ANKS1A: variants seen among roughly 807,000 people sequenced by gnomAD.
ANKS1A encodes ankyrin repeat and SAM domain-containing protein 1A.
Under a neutral mutation model 120.3 loss-of-function variants are expected in ANKS1A, and 55 were observed. That is an observed-to-expected ratio of 0.46 (90% CI 0.37 to 0.57). ANKS1A has a LOEUF of 0.57. Ranked by LOEUF, ANKS1A falls within the 20% of genes least tolerant of loss-of-function variation. The pLI is 0.00. For missense variants in ANKS1A, 1,123 were observed against 1,480.3 expected (o/e 0.76, Z 3.96); for synonymous variants, 590 against 604.7 (o/e 0.98, Z 0.36).
chr6:35,089,361 C>A lies in ANKS1A; in HGVS notation c.*752C>A. The A allele has an allele frequency of 2.0e-6, 2 of 986,684 alleles. No individual in the cohort carries two copies. The highest frequency in any genetic ancestry group is 2.4e-6 in the Non-Finnish European group (2 of 830,572). The allele number at this position is 986,684 out of a possible 1,614,324, so 61.1% of individuals were successfully genotyped here. A position where few individuals can be genotyped will look rare whatever the true frequency, so the allele number is the denominator to read the frequency against. The stretch of plus-strand genomic sequence containing the variant: ...TGGGAAGTCTTAGCCAGCACCAGAG[C>A]GCCAGGCCTCTCCCTGGCCTCTTAC... On this transcript the variant is annotated 3_prime_UTR_variant, in exon 24 of 24. Transcript: ENST00000360359.
At position 35,086,308 on chromosome 6, in the gene ANKS1A, C is replaced by A; in HGVS notation, c.3303+372C>A. The A allele has an allele frequency of 1.5e-6, 2 of 1,308,144 alleles. No homozygotes were observed. Among genetic ancestry groups the A allele is most frequent in the Non-Finnish European group, 2.0e-6 (2 of 1,001,634 alleles). The allele number at this position is 1,308,144 out of a possible 1,614,324, so 81.0% of individuals were successfully genotyped here. The stretch of plus-strand genomic sequence containing the variant: ...CCGATAGTCGCTGTTGTTACTGTCA[C>A]ACCTGCACCACCCACCGTCCTTCCT... On this transcript the variant is annotated intron_variant, in intron 22 of 23. Transcript: ENST00000360359. The surrounding 1 kb of genome is among the most constrained non-coding windows in gnomAD (Gnocchi z 5.1).
chr6:35,049,337 C>T (rs950139804), intron 11 of ANKS1A, among the ~76,000 whole-genome samples: 1 of 152,194 alleles, frequency 6.6e-6, no homozygotes, highest in Non-Finnish European at 1.5e-5. Context: ...TGTCATCGAA[C>T]ACCACCAGTG....
chr6:35,088,545 C>T (rs1482822971), intron 23 of ANKS1A, 61 bp from the exon 24 acceptor site: 24 of 1,601,550 alleles, frequency 1.5e-5, no homozygotes, highest in Non-Finnish European at 1.9e-5. Context: ...TCCATTTCCT[C>T]CACCGTCCGC....
intron 1 of ANKS1A, among the ~76,000 whole-genome samples, chr6:34,898,474 A>G (rs763972617): frequency 1.3e-5 from 2 of 152,202 alleles, no homozygotes; most frequent in African/African-American, 2.4e-5. Flanking sequence ...TGGGATAAAT[A>G]TGAAGCCGCT....
chr6:35,000,422 C>G (rs1773102403), intron 10 of ANKS1A, among the ~76,000 whole-genome samples: 2 of 151,170 alleles, frequency 1.3e-5, no homozygotes, highest in South Asian at 4.2e-4. Context: ...ATCTTGTGGC[C>G]TTAGACAGTC....
intron 3 of ANKS1A, among the ~76,000 whole-genome samples, chr6:34,980,481 C>T (rs530117799): frequency 2.8e-4 from 42 of 152,324 alleles, no homozygotes; most frequent in African/African-American, 9.9e-4. Context: ...GATGGAATTG[C>T]ATATGCATGT....
chr6:35,070,975 C>A, intron 13 of ANKS1A: 1 of 582,034 alleles, frequency 1.7e-6, no homozygotes. Flanking sequence ...AGGGTTTCCC[C>A]TCTCTGTCTA....
chr6:34,986,706 A>G (rs1321952261), intron 8 of ANKS1A, among the ~76,000 whole-genome samples: 1 of 152,150 alleles, frequency 6.6e-6, no homozygotes, highest in African/African-American at 2.4e-5. Context: ...TTTAGTATGG[A>G]TCTTGGAAAG....
At chr6:35,005,445 G>C (rs901045191) in intron 10 of ANKS1A, among the ~76,000 whole-genome samples, 1 of 152,080 alleles carries the variant, frequency 6.6e-6, no homozygotes, top group Non-Finnish European at 1.5e-5. Context: ...ATAATACTTG[G>C]CCAAAGTAGT....
At chr6:34,989,370 T>G in intron 9 of ANKS1A, 54 bp downstream of exon 9, 2 of 1,497,978 alleles carry the variant, frequency 1.3e-6, no homozygotes, top group East Asian at 2.3e-5. Flanking sequence ...TGTTGAAAAG[T>G]GCATCGATGT....
chr6:34,968,320 G>T (rs1198158265), intron 2 of ANKS1A, among the ~76,000 whole-genome samples: 1 of 152,218 alleles, frequency 6.6e-6, no homozygotes, highest in Non-Finnish European at 1.5e-5. Flanking sequence ...TTGTCGGGGA[G>T]CACAGTGAGT....
rs1229097679 is a variant in ANKS1A at position 35,082,897 on chromosome 6, G to A, written c.2835+81G>A. 1.3e-6 allele frequency: 2 copies of A among 1,555,080 alleles called. No individual in the cohort carries two copies. The highest frequency in any genetic ancestry group is 4.5e-5 in the East Asian group (2 of 44,402). The stretch of plus-strand genomic sequence containing the variant: ...GCACCTGCGGCCAAGTCCCAGCAGG[G>A]ACTCCACAAAGCCAGGCCCAGGGCT... On this transcript the variant is annotated intron_variant, in intron 18 of 23. Coordinates refer to ENST00000360359, the MANE Select transcript of ANKS1A (RefSeq NM_015245.3). The surrounding 1 kb of genome is among the most constrained non-coding windows in gnomAD (Gnocchi z 4.1).
At chr6:34,890,374 G>C (rs1356827687) in intron 1 of ANKS1A, among the ~76,000 whole-genome samples, 1 of 152,200 alleles carries the variant, frequency 6.6e-6, no homozygotes, top group Non-Finnish European at 1.5e-5. Flanking sequence ...ACAGGCGTGA[G>C]CCACCGCGCC....
At chr6:34,936,748 G>A (rs1044312013) in intron 1 of ANKS1A, among the ~76,000 whole-genome samples, 3 of 152,130 alleles carry the variant, frequency 2.0e-5, no homozygotes, top group Non-Finnish European at 4.4e-5. Context: ...AACATGTACA[G>A]GATGAATGGC....
In ANKS1A at chr6:34,982,192, G is replaced by T. The variant is rs1435547088; in HGVS notation, c.732+206G>T. ...CTATTATTTTTTTGTTTCTTTTCAG[G>T]GGGTAATCCGTAGTCATTAAACCCT... On this transcript the variant is annotated intron_variant, in intron 4 of 23. Transcript: ENST00000360359. This position sits in a 1 kb window ranked among gnomAD's most constrained non-coding sequence, Gnocchi z 4.9. Among the ~76,000 whole-genome samples the T allele has an allele frequency of 1.3e-5, 2 of 152,118 alleles. No individual in the cohort carries two copies. The highest frequency in any genetic ancestry group is 4.8e-5 in the African/African-American group (2 of 41,402).
At chr6:34,974,199 C>T (rs1581577822) in intron 3 of ANKS1A, among the ~76,000 whole-genome samples, 1 of 5,956 alleles carries the variant, frequency 1.7e-4, no homozygotes, top group African/African-American at 8.7e-4. Context: ...CCCTTCCCTT[C>T]CCCTTCCCCT....
At chr6:34,928,598 ATC>A (rs1768828446) in intron 1 of ANKS1A, among the ~76,000 whole-genome samples, 1 of 151,258 alleles carries the variant, frequency 6.6e-6, no homozygotes, top group African/African-American at 2.4e-5. Flanking sequence ...TTTCCATTTA[ATC>A]TCTGATTTTC....
At chr6:34,901,253 A>G in intron 1 of ANKS1A, among the ~76,000 whole-genome samples, 1 of 151,324 alleles carries the variant, frequency 6.6e-6, no homozygotes, top group East Asian at 1.9e-4. Context: ...CTCCCTCATT[A>G]GTGATTAACA....
At chr6:35,072,820 G>T (rs967621403) in intron 13 of ANKS1A, among the ~76,000 whole-genome samples, 12 of 152,216 alleles carry the variant, frequency 7.9e-5, no homozygotes, top group African/African-American at 2.9e-4. Context: ...CTCAGCAGGG[G>T]CTGTGCCCCA....
Sources: gnomAD v4.1 joint callset for allele counts (sites outside exome capture counted in the v4.1 genomes callset) on GRCh38, gnomAD v4.1.1 for gene constraint, Gnocchi (gnomAD v3.1) non-coding constraint, MANE v1.5 for transcripts, NCBI Gene and HGNC (gene_info 2026-07-23, HGNC 2026-07-21) for gene names.